Variants in XIRP2 observed in about 807,000 individuals in gnomAD.
XIRP2 encodes xin actin-binding repeat-containing protein 2.
In XIRP2, 236 loss-of-function variants were observed where a neutral mutation model predicts 277.0. The observed-to-expected ratio is 0.85, with a 90% CI of 0.77 to 0.95. The LOEUF (loss-of-function observed/expected upper bound fraction) is 0.95. Among genes scored for constraint, XIRP2 ranks in the 40% least tolerant of loss-of-function variants. XIRP2 has a pLI of 0.00. For synonymous variants in XIRP2, 1,490 were observed against 1,416.5 expected (o/e 1.05, Z -1.17); for missense variants, 4,640 against 4,157.5 (o/e 1.12, Z -3.19).
chr2:167,021,769 G>T (rs1687989031), intron 2 of XIRP2, among the ~76,000 whole-genome samples: 1 of 152,180 alleles, frequency 6.6e-6, no homozygotes, highest in East Asian at 1.9e-4. Context: ...AGGCTGTGGT[G>T]AGCCGTGACT....
intron 3 of XIRP2, among the ~76,000 whole-genome samples, chr2:167,159,700 A>G (rs868424142): frequency 3.9e-5 from 6 of 152,122 alleles, no homozygotes; most frequent in African/African-American, 1.2e-4. Flanking sequence ...AATAAAAGGA[A>G]CTTACTCATA....
At chr2:167,237,836 C>G (rs1231157801) in intron 5 of XIRP2, among the ~76,000 whole-genome samples, 3 of 152,158 alleles carry the variant, frequency 2.0e-5, no homozygotes, top group Admixed American at 1.3e-4. Flanking sequence ...ATAGAATATT[C>G]CCACTATATG....
At chr2:167,144,985 G>C (rs947946577) in intron 3 of XIRP2, among the ~76,000 whole-genome samples, 4 of 152,110 alleles carry the variant, frequency 2.6e-5, no homozygotes, top group African/African-American at 9.7e-5. Context: ...TATTTTTCTT[G>C]ATGGTTTGCT....
intron 3 of XIRP2, among the ~76,000 whole-genome samples, chr2:167,177,557 G>A (rs923292534): frequency 6.6e-6 from 1 of 152,068 alleles, no homozygotes. Context: ...CAATTTGTAG[G>A]CATTTAGATT....
In XIRP2 at chr2:167,210,779, A is replaced by G; in HGVS notation, c.607A>G (p.Ser203Gly). 1 of 1,614,216 alleles carries G rather than the reference A, an allele frequency of 6.2e-7. No homozygotes were observed. The highest frequency in any genetic ancestry group is 8.5e-7 in the Non-Finnish European group (1 of 1,180,038). ...GCCTGAGAGTGGATTTGCAGAAGACAGTGCTGCTCGGGGCGAGGGTGTGTC... is the reference window on the plus strand; with the variant it reads ...GCCTGAGAGTGGATTTGCAGAAGACGGTGCTGCTCGGGGCGAGGGTGTGTC... ...NKPESGFAED[S>G]AARGEGVSDL... Residue 203 changes from serine (S) to glycine (G), a missense_variant, in exon 4 of 11, where the codon AGT becomes GGT. Ser to Gly is a moderately conservative substitution (Grantham distance 56). Coordinates refer to ENST00000409195, the MANE Select transcript of XIRP2 (RefSeq NM_152381.6).
chr2:166,930,831 C>A (rs1685316139), intron 2 of XIRP2, among the ~76,000 whole-genome samples: 1 of 152,100 alleles, frequency 6.6e-6, no homozygotes, highest in Non-Finnish European at 1.5e-5. Flanking sequence ...AACATTCCCA[C>A]TGAAAAAAGA....
chr2:166,909,653 G>A lies in XIRP2; in HGVS notation c.408+5763G>A, dbSNP rs1411125034. ...CCCTAGCCAGAACTTCCAACACTATGTTGAATAGGAGTGGTGAGAGAGGGC... is the reference window on the plus strand; with the variant it reads ...CCCTAGCCAGAACTTCCAACACTATATTGAATAGGAGTGGTGAGAGAGGGC... On this transcript the variant is annotated intron_variant, in intron 2 of 10. Transcript: ENST00000409195. Among the ~76,000 whole-genome samples the A allele has an allele frequency of 4.6e-5, 7 of 152,286 alleles. 1 individual carries two copies. The highest frequency in any genetic ancestry group is 1.7e-4 in the African/African-American group (7 of 41,566).
At chr2:167,010,843 G>A (rs376379836) in intron 2 of XIRP2, among the ~76,000 whole-genome samples, 2 of 152,026 alleles carry the variant, frequency 1.3e-5, no homozygotes, top group South Asian at 2.1e-4. Context: ...TTGTGAATGG[G>A]AGTTCACTCA....
At chr2:166,975,033 C>T (rs1686674753) in intron 2 of XIRP2, among the ~76,000 whole-genome samples, 1 of 152,068 alleles carries the variant, frequency 6.6e-6, no homozygotes, top group African/African-American at 2.4e-5. Flanking sequence ...TGTTTCCAGA[C>T]ATCAAAAGTA....
chr2:166,911,688 C>A (rs576781327), intron 2 of XIRP2, among the ~76,000 whole-genome samples: 9 of 152,256 alleles, frequency 5.9e-5, no homozygotes, highest in African/African-American at 1.9e-4. Flanking sequence ...TTAGTTGATG[C>A]GGTTTCTTCC....
intron 2 of XIRP2, among the ~76,000 whole-genome samples, chr2:166,989,036 C>A: frequency 1.3e-5 from 1 of 79,380 alleles, no homozygotes. Flanking sequence ...AAAAAGACAG[C>A]AGTAACCTCT....
chr2:166,908,033 GT>G (rs1684577312), intron 2 of XIRP2, among the ~76,000 whole-genome samples: 2 of 151,972 alleles, frequency 1.3e-5, no homozygotes, highest in Non-Finnish European at 1.5e-5. Context: ...ATTTGCATTG[GT>G]TCCAAGTCTT....
chr2:167,242,016 A>C, intron 8 of XIRP2, 106 bp downstream of exon 8: 3 of 1,381,214 alleles, frequency 2.2e-6, no homozygotes, highest in Non-Finnish European at 9.6e-7. Context: ...AACAAAAAAA[A>C]ATTCTGAACT....
intron 2 of XIRP2, among the ~76,000 whole-genome samples, chr2:167,103,726 A>G (rs1270448412): frequency 2.6e-5 from 4 of 152,202 alleles, no homozygotes; most frequent in Non-Finnish European, 1.5e-5. Context: ...TGATTGTCAG[A>G]AAACACTTTT....
intron 5 of XIRP2, among the ~76,000 whole-genome samples, chr2:167,235,659 A>C (rs1573982519): frequency 6.6e-6 from 1 of 151,954 alleles, no homozygotes; most frequent in Admixed American, 6.6e-5. Context: ...AAAAGCAAGA[A>C]TAGTGCACCC....
intron 2 of XIRP2, among the ~76,000 whole-genome samples, chr2:167,103,833 T>A (rs1429624654): frequency 6.6e-6 from 1 of 151,814 alleles, no homozygotes; most frequent in Non-Finnish European, 1.5e-5. Flanking sequence ...AAGTAAAATA[T>A]CAAGGTGAAA....
At chr2:167,237,961 T>C (rs1241939570) in intron 5 of XIRP2, among the ~76,000 whole-genome samples, 1 of 152,236 alleles carries the variant, frequency 6.6e-6, no homozygotes. Flanking sequence ...CATAATGCTA[T>C]TGGTAGCCTC....
chr2:167,015,479 C>G (rs1687800953), intron 2 of XIRP2, among the ~76,000 whole-genome samples: 1 of 151,304 alleles, frequency 6.6e-6, no homozygotes. Flanking sequence ...AACTCATTAT[C>G]ATTCTATGGG....
At chr2:167,089,924 G>A (rs1472820253) in intron 2 of XIRP2, among the ~76,000 whole-genome samples, 4 of 152,076 alleles carry the variant, frequency 2.6e-5, no homozygotes, top group South Asian at 2.1e-4. Context: ...GACCTTACGA[G>A]AAAAAAGAAT....
Sources: allele counts gnomAD v4.1 joint callset (sites outside exome capture counted in the v4.1 genomes callset), GRCh38; gene constraint gnomAD v4.1.1; transcripts MANE v1.5; gene names NCBI Gene and HGNC (gene_info 2026-07-23, HGNC 2026-07-21).